The following NRXN1 variants were observed in gnomAD, a reference collection of about 807,000 sequenced individuals.
NRXN1 encodes the protein neurexin 1.
NRXN1 carries 39 observed loss-of-function variants against 150.9 expected under a neutral mutation model. The ratio of observed to expected loss-of-function variants is 0.26; its 90% CI spans 0.20 to 0.34. NRXN1 has a LOEUF of 0.34. Among genes scored for constraint, NRXN1 ranks in the 10% least tolerant of loss-of-function variants. NRXN1 has a pLI of 1.00. For synonymous variants in NRXN1, 924 were observed against 757.0 expected (o/e 1.22, Z -3.62); for missense variants, 1,815 against 1,949.9 (o/e 0.93, Z 1.30).
chr2:50,774,173 G>A (rs1554066975), intron 5 of NRXN1, among the ~76,000 whole-genome samples: 1 of 152,004 alleles, frequency 6.6e-6, no homozygotes, highest in African/African-American at 2.4e-5. Flanking sequence ...TGATACTGTT[G>A]TCTTACAGAA....
intron 21 of NRXN1, among the ~76,000 whole-genome samples, chr2:49,959,404 G>A (rs1675520975): frequency 6.6e-6 from 1 of 152,214 alleles, no homozygotes; most frequent in Admixed American, 6.5e-5. Context: ...TCCAGAGTGG[G>A]TGATTCACCT....
intron 17 of NRXN1, among the ~76,000 whole-genome samples, chr2:50,269,680 T>C (rs114716011): frequency 6.6e-5 from 10 of 152,340 alleles, no homozygotes; most frequent in Non-Finnish European, 8.8e-5. Context: ...AGCCTGCCGT[T>C]TTGCAAACTA....
At chr2:50,206,770 A>G (rs765480793) in intron 18 of NRXN1, among the ~76,000 whole-genome samples, 4 of 151,298 alleles carry the variant, frequency 2.6e-5, no homozygotes, top group Non-Finnish European at 4.4e-5. Flanking sequence ...AAAGTTATAT[A>G]TAACATATAT....
In NRXN1 at chr2:50,922,680, C is replaced by T. The variant is rs201027928; in HGVS notation, c.798G>A (p.Ala266=). 108 of 1,610,212 alleles carry T rather than the reference C, an allele frequency of 6.7e-5. No individual in the cohort carries two copies. The highest frequency in any genetic ancestry group is 7.6e-5 in the Non-Finnish European group (89 of 1,178,102). ...TACCTTGGTCGCCCATCATCAGGTGCGCCAGACCTTGAAGGGAAACAAGAG... is the reference window on the plus strand; with the variant it reads ...TACCTTGGTCGCCCATCATCAGGTGTGCCAGACCTTGAAGGGAAACAAGAG... ...SQEDNNVEGL[A]HLMMGDQGKS... Residue 266 remains alanine (A), a synonymous_variant, in exon 4 of 23, where the codon GCG becomes GCA. Coordinates refer to ENST00000401669, the MANE Select transcript of NRXN1 (RefSeq NM_001330078.2).
chr2:50,519,598 G>GT (rs1409134918), intron 12 of NRXN1, among the ~76,000 whole-genome samples: 2 of 152,006 alleles, frequency 1.3e-5, no homozygotes, highest in African/African-American at 4.8e-5. Flanking sequence ...GAAATGTTGA[G>GT]TTATGTCTCT....
At chr2:50,659,013 G>A (rs902947852) in intron 5 of NRXN1, among the ~76,000 whole-genome samples, 2 of 151,958 alleles carry the variant, frequency 1.3e-5, no homozygotes, top group Non-Finnish European at 2.9e-5. Context: ...CAAGGGTGAC[G>A]GCAGGAAGCA....
intron 21 of NRXN1, among the ~76,000 whole-genome samples, chr2:49,948,714 A>T (rs185167532): frequency 2.6e-4 from 40 of 152,126 alleles, no homozygotes; most frequent in Non-Finnish European, 4.1e-4. Flanking sequence ...TGCTGCTATG[A>T]CTTGCTGTTG....
At chr2:50,630,155 T>C (rs1451607198) in intron 5 of NRXN1, among the ~76,000 whole-genome samples, 1 of 151,644 alleles carries the variant, frequency 6.6e-6, no homozygotes, top group Non-Finnish European at 1.5e-5. Flanking sequence ...TTCTTGCTCA[T>C]CTAATTTTCT....
chr2:50,734,746 A>AC lies in NRXN1; in HGVS notation c.833-111132dup, dbSNP rs111377657. On this transcript the variant is annotated intron_variant, in intron 5 of 22. Transcript: ENST00000401669. The stretch of plus-strand genomic sequence containing the variant: ...AAAATAAAGCAAACATATACACATA[A>AC]CCCCCCCAAAACAACAAAAAAACTC... Among the ~76,000 whole-genome samples the AC allele has an allele frequency of 2.3e-3, 347 of 151,920 alleles. 5 individuals are homozygous for AC. The highest frequency in any genetic ancestry group is 8.0e-3 in the African/African-American group (331 of 41,424).
chr2:50,514,989 AC>A (rs1029152465), intron 12 of NRXN1, among the ~76,000 whole-genome samples: 1 of 151,896 alleles, frequency 6.6e-6, no homozygotes, highest in Non-Finnish European at 1.5e-5. Context: ...CGGGCTCCCC[AC>A]CCCCCAGGCC....
intron 17 of NRXN1, among the ~76,000 whole-genome samples, chr2:50,463,007 G>A (rs2088402462): frequency 6.6e-6 from 1 of 151,624 alleles, no homozygotes; most frequent in Non-Finnish European, 1.5e-5. Flanking sequence ...TATGTAATTG[G>A]AGGCTGCAAT....
chr2:50,961,434 A>G, intron 2 of NRXN1, among the ~76,000 whole-genome samples: 1 of 151,828 alleles, frequency 6.6e-6, no homozygotes, highest in Middle Eastern at 3.2e-3. Context: ...TTTGTTTTAA[A>G]TAATTGTACT....
At chr2:50,215,972 T>A (rs2063367493) in intron 18 of NRXN1, among the ~76,000 whole-genome samples, 1 of 152,094 alleles carries the variant, frequency 6.6e-6, no homozygotes, top group Non-Finnish European at 1.5e-5. Context: ...TGACATTGGT[T>A]AAATATTTCA....
At chr2:50,828,268 G>T (rs1670791531) in intron 5 of NRXN1, among the ~76,000 whole-genome samples, 1 of 147,136 alleles carries the variant, frequency 6.8e-6, no homozygotes. Context: ...GGCCGGGCGG[G>T]GGGCTGACCC....
At chr2:50,649,259 TACACACACACACACACACACAC>T (rs10634117) in intron 5 of NRXN1, among the ~76,000 whole-genome samples, 1 of 143,244 alleles carries the variant, frequency 7.0e-6, no homozygotes, top group Non-Finnish European at 1.5e-5. Flanking sequence ...CATACACACA[TACACACACACACACACACACAC>T]ACACACACAC....
At chr2:50,242,221 C>T (rs2066066354) in intron 17 of NRXN1, among the ~76,000 whole-genome samples, 1 of 151,740 alleles carries the variant, frequency 6.6e-6, no homozygotes, top group Non-Finnish European at 1.5e-5. Flanking sequence ...ATTCTTTCTA[C>T]AACCTTTTCC....
At chr2:50,660,869 G>T (rs934904745) in intron 5 of NRXN1, among the ~76,000 whole-genome samples, 8 of 151,938 alleles carry the variant, frequency 5.3e-5, no homozygotes, top group African/African-American at 1.4e-4. Context: ...TCTCAGATTT[G>T]GATATATGGA....
chr2:49,928,535 T>C (rs1669524178), intron 22 of NRXN1, among the ~76,000 whole-genome samples: 1 of 152,114 alleles, frequency 6.6e-6, no homozygotes, highest in African/African-American at 2.4e-5. Flanking sequence ...CAATACTCAG[T>C]TTCATTAATA....
Position 50,431,116 on chromosome 2 carries a change from A to C in NRXN1, c.3364+34326T>G, listed in dbSNP as rs573431095. 5.9e-5 allele frequency among the ~76,000 whole-genome samples: 9 copies of C among 152,066 alleles called. No individual in the cohort carries two copies. The East Asian group carries it at 1.7e-3, about 29-fold the overall frequency. On this transcript the variant is annotated intron_variant, in intron 17 of 22. Coordinates refer to ENST00000401669, the MANE Select transcript of NRXN1 (RefSeq NM_001330078.2). ...CGTGACATCTTATTAACCCCTTTCT[A>C]CCTGATCTGATCTCTTCTTCAAACA...
Sources: gnomAD v4.1 joint callset for allele counts (sites outside exome capture counted in the v4.1 genomes callset) on GRCh38, gnomAD v4.1.1 for gene constraint, MANE v1.5 for transcripts, NCBI Gene and HGNC (gene_info 2026-07-23, HGNC 2026-07-21) for gene names.